The following AKAP9 variants were observed in gnomAD, a reference collection of about 807,000 sequenced individuals.
AKAP9 encodes A-kinase anchor protein 9.
AKAP9 carries 311 observed loss-of-function variants against 488.5 expected under a neutral mutation model. That is an observed-to-expected ratio of 0.64 (90% confidence interval 0.58 to 0.70). AKAP9 has a LOEUF of 0.70. AKAP9 is among the 30% of genes least tolerant of loss of function. The probability of loss-of-function intolerance (pLI) is 0.00; values close to 1 mark genes in which losing one functional copy is unlikely to be tolerated. For missense variants in AKAP9, 4,215 were observed against 4,374.5 expected (o/e 0.96, Z 1.03); for synonymous variants, 1,462 against 1,483.5 (o/e 0.99, Z 0.33).
At position 92,001,187 on chromosome 7, in the gene AKAP9, C is replaced by A; in HGVS notation, c.1270C>A (p.Gln424Lys). Residue 424 changes from glutamine (Q) to lysine (K), a missense_variant, in exon 8 of 50, where the codon CAA becomes AAA. Gln to Lys is a moderately conservative substitution (Grantham distance 53). Transcript: ENST00000356239. The part of the protein sequence containing the change: ...FETDIVQRME[Q>K]ETQRKLEQLR... Reference sequence around the variant, plus strand: ...AACTGATATAGTACAACGAATGGAACAAGAAACACAAAGAAAGTTAGAACA... The same window carrying A: ...AACTGATATAGTACAACGAATGGAAAAAGAAACACAAAGAAAGTTAGAACA... The A allele has an allele frequency of 6.2e-7, 1 of 1,613,716 alleles. No individual in the cohort carries two copies. The highest frequency in any genetic ancestry group is 8.5e-7 in the Non-Finnish European group (1 of 1,179,860).
rs770151134 is a variant in AKAP9 at position 92,082,555 on chromosome 7, A to G, written c.8053A>G (p.Ser2685Gly). 1.2e-6 allele frequency: 2 copies of G among 1,613,888 alleles called. No individual in the cohort carries two copies. Among genetic ancestry groups the G allele is most frequent in the Admixed American group, 3.3e-5 (2 of 60,020 alleles). Residue 2685 changes from serine (S) to glycine (G), a missense_variant, in exon 32 of 50, where the codon AGT becomes GGT. Coordinates refer to ENST00000356239, the MANE Select transcript of AKAP9 (RefSeq NM_005751.5). ...TGAGCTATTTCATAGCAATGAAGAA[A>G]GTGGATTTTTTAATGAACTCGAGGC... is the stretch of plus-strand genomic sequence containing the variant. ...TTELFHSNEESGFFNELEALR... is the reference protein window; with the variant it reads ...TTELFHSNEEGGFFNELEALR...
intron 46 of AKAP9, 122 bp downstream of exon 46, chr7:92,102,948 A>G (rs576711796): frequency 1.1e-6 from 1 of 894,974 alleles, no homozygotes; most frequent in East Asian, 2.6e-5. Context: ...GGTATGTGCC[A>G]TCACTGAAGC....
At chr7:92,084,613 T>C (rs770232126) in intron 33 of AKAP9, 27 bp from the exon 34 acceptor site, 31 of 1,558,914 alleles carry the variant, frequency 2.0e-5, no homozygotes, top group African/African-American at 1.6e-4. Flanking sequence ...GCAAAAAATA[T>C]ATGTACTTTT....
chr7:92,064,582 G>C (rs1810452384), intron 24 of AKAP9, among the ~76,000 whole-genome samples: 1 of 152,086 alleles, frequency 6.6e-6, no homozygotes, highest in Non-Finnish European at 1.5e-5. Flanking sequence ...GCTGAGCTAG[G>C]TTGGGCCTAC....
intron 39 of AKAP9, among the ~76,000 whole-genome samples, chr7:92,093,684 A>G (rs1341806147): frequency 1.3e-5 from 2 of 152,196 alleles, no homozygotes; most frequent in Non-Finnish European, 2.9e-5. Flanking sequence ...TTAAAAGAAT[A>G]TATTTCTTGG....
chr7:92,101,085 C>T, intron 45 of AKAP9, 29 bp downstream of exon 45: 3 of 1,598,764 alleles, frequency 1.9e-6, no homozygotes, highest in Non-Finnish European at 2.6e-6. Flanking sequence ...CTAAACATCA[C>T]AGCTGGTTCT....
intron 7 of AKAP9, 66 bp downstream of exon 7, chr7:91,995,866 G>A: frequency 7.8e-7 from 1 of 1,289,384 alleles, no homozygotes; most frequent in Non-Finnish European, 1.1e-6. Flanking sequence ...TTTTATGCAA[G>A]TGGTTTTTTT....
chr7:92,094,535 A>G (rs1477347625), intron 39 of AKAP9, among the ~76,000 whole-genome samples: 1 of 151,064 alleles, frequency 6.6e-6, no homozygotes, highest in East Asian at 2.0e-4. Context: ...CTCCGTCTCA[A>G]AAAAAAAGAA....
chr7:92,062,280 T>C lies in AKAP9; in HGVS notation c.5771T>C (p.Ile1924Thr), dbSNP rs1217996637. 1.9e-5 allele frequency: 31 copies of C among 1,611,546 alleles called. No homozygotes were observed. The highest frequency in any genetic ancestry group is 2.6e-5 in the Non-Finnish European group (31 of 1,177,944). ...AVELSKAEGV[I>T]DGYADEKTLF... ...TGTTAATTTTGTATTATAGGCGTCA[T>C]TGATGGCTATGCAGATGAAAAAACT... The change falls in exon 24 of 50, where the codon ATT becomes ACT. Residue 1924 changes from isoleucine to threonine, a missense_variant. By Grantham distance (89) the Ile-to-Thr change is moderately conservative. Around this residue, in one of 5 missense-constraint regions of AKAP9, gnomAD observed 2,361 missense variants for 2,430.0 expected, o/e 0.97. Coordinates refer to ENST00000356239, the MANE Select transcript of AKAP9 (RefSeq NM_005751.5).
intron 21 of AKAP9, 145 bp downstream of exon 21, chr7:92,045,358 T>C: frequency 1.3e-6 from 1 of 767,826 alleles, no homozygotes; most frequent in Non-Finnish European, 2.2e-6. Context: ...AGAGCAACTC[T>C]TTTCAAACAC....
intron 44 of AKAP9, among the ~76,000 whole-genome samples, chr7:92,100,538 C>A (rs1347641041): frequency 6.6e-6 from 1 of 152,184 alleles, no homozygotes. Flanking sequence ...TACACTATTT[C>A]AGGCACAGGC....
chr7:91,979,599 C>T (rs890773078), intron 2 of AKAP9, among the ~76,000 whole-genome samples: 1 of 152,190 alleles, frequency 6.6e-6, no homozygotes, highest in Non-Finnish European at 1.5e-5. Flanking sequence ...TTTTCCTATA[C>T]TCATATACTT....
chr7:92,052,299 A>G (rs1224458332), intron 21 of AKAP9, among the ~76,000 whole-genome samples: 1 of 152,094 alleles, frequency 6.6e-6, no homozygotes, highest in Non-Finnish European at 1.5e-5. Flanking sequence ...GAAATGGCCT[A>G]CTCCACAATG....
chr7:92,107,668 G>A (rs1818732635), intron 48 of AKAP9: 1 of 389,128 alleles, frequency 2.6e-6, no homozygotes, highest in South Asian at 2.8e-5. Context: ...TGGCCAACAT[G>A]GTGAAACCCT....
At position 92,031,622 on chromosome 7, in the gene AKAP9, C is replaced by G. The variant is rs1183331120; in HGVS notation, c.4338+18C>G. Reference sequence around the variant, plus strand: ...TAGCTAAGGTAGGCTTATAGCTTATCTGGAAGATTATCTTGGTTTATATTC... The same window carrying G: ...TAGCTAAGGTAGGCTTATAGCTTATGTGGAAGATTATCTTGGTTTATATTC... On this transcript the variant is annotated intron_variant, in intron 16 of 49. Coordinates refer to ENST00000356239, the MANE Select transcript of AKAP9 (RefSeq NM_005751.5). The G allele has an allele frequency of 6.5e-7, 1 of 1,544,106 alleles. No homozygotes were observed. Among genetic ancestry groups the G allele is most frequent in the South Asian group, 1.1e-5 (1 of 89,558 alleles).
intron 45 of AKAP9, among the ~76,000 whole-genome samples, chr7:92,102,180 AAT>A (rs1817641942): frequency 6.7e-6 from 1 of 148,832 alleles, no homozygotes; most frequent in Non-Finnish European, 1.5e-5. Flanking sequence ...AAAATAAATA[AAT>A]AAATAAATAA....
chr7:92,013,113 T>C (rs2130704663), intron 9 of AKAP9, among the ~76,000 whole-genome samples: 1 of 144,950 alleles, frequency 6.9e-6, no homozygotes, highest in East Asian at 2.1e-4. Flanking sequence ...TGCCTCAGCC[T>C]CCCAAGTAGC....
chr7:92,022,694 T>C (rs961972109), intron 13 of AKAP9, 120 bp from the exon 14 acceptor site: 3 of 703,076 alleles, frequency 4.3e-6, no homozygotes, highest in Non-Finnish European at 7.1e-6. Flanking sequence ...ACCAGAGTTA[T>C]TACCACTAAA....
At position 92,070,029 on chromosome 7, in the gene AKAP9, G is replaced by T; in HGVS notation, c.6331-1G>T. 6.2e-7 allele frequency: 1 copy of T among 1,612,118 alleles called. No homozygotes were observed. ...TAAATTTTTTGCCTCTTATATTTCA[G>T]GTTGAACAGTTAGCAAATCATCTGA... On this transcript the variant is annotated splice_acceptor_variant, in intron 26 of 49. Transcript: ENST00000356239. LOFTEE classifies it high-confidence loss of function.
Sources: gnomAD v4.1 joint callset for allele counts (sites outside exome capture counted in the v4.1 genomes callset) on GRCh38, gnomAD v4.1.1 for gene constraint, gnomAD v4.1.1 regional missense constraint, MANE v1.5 for transcripts, NCBI Gene and HGNC (gene_info 2026-07-23, HGNC 2026-07-21) for gene names.